Variants in CNKSR2 observed in about 807,000 individuals in gnomAD.
CNKSR2 encodes the protein CNK homolog protein 2.
Under a neutral mutation model 84.4 loss-of-function variants are expected in CNKSR2, and 14 were observed. The observed-to-expected ratio is 0.17, with a 90% confidence interval of 0.11 to 0.26. The LOEUF is 0.26. CNKSR2 is among the 10% of genes least tolerant of loss of function. The probability of loss-of-function intolerance (pLI) is 1.00; values close to 1 mark genes in which losing one functional copy is unlikely to be tolerated. For missense variants in CNKSR2, 485 were observed against 771.2 expected (o/e 0.63, Z 4.40); for synonymous variants, 275 against 277.9 (o/e 0.99, Z 0.10).
intron 9 of CNKSR2, 100 bp downstream of exon 9, chrX:21,516,731 A>T: frequency 1.3e-6 from 1 of 754,995 alleles, no homozygotes; most frequent in Non-Finnish European, 1.9e-6. Context: ...ATATGGATTA[A>T]TCTTGTATGC....
intron 2 of CNKSR2, chrX:21,426,868 A>C (rs1251533539): frequency 2.4e-6 from 1 of 421,215 alleles, no homozygotes; most frequent in Non-Finnish European, 4.0e-6. Context: ...CATCTTTTAT[A>C]ACAGTAAGAC....
chrX:21,478,375 T>A (rs1343233950), intron 5 of CNKSR2, among the ~76,000 whole-genome samples: 1 of 111,589 alleles, frequency 9.0e-6, no homozygotes. Flanking sequence ...ATGATAGAGG[T>A]GGAAAATGTT....
At position 21,449,303 on chromosome X, in the gene CNKSR2, CAAAAAAAAAAA is replaced by C. The variant is rs11308049; in HGVS notation, c.519+8531_519+8541del. Among the ~76,000 whole-genome samples the C allele has an allele frequency of 9.0e-5, 4 of 44,363 alleles. No individual in the cohort carries two copies. In the East Asian group the frequency reaches 2.7e-3, roughly 30 times the overall value. The allele number at this position is 44,363 out of a possible 115,157, so 38.5% of individuals were successfully genotyped here. A position where few individuals can be genotyped will look rare whatever the true frequency, so the allele number is the denominator to read the frequency against. The stretch of plus-strand genomic sequence containing the variant: ...TGGGCAGCAGAGTGAGACTCCGTCT[CAAAAAAAAAAA>C]AAAAAAAAGCCAGATTGGAAAAGAC... On this transcript the variant is annotated intron_variant, in intron 4 of 21. Transcript: ENST00000379510.
intron 10 of CNKSR2, among the ~76,000 whole-genome samples, chrX:21,530,973 C>G (rs764753712): frequency 9.1e-6 from 1 of 110,115 alleles, no homozygotes; most frequent in African/African-American, 3.3e-5. Context: ...ACCCTAAATG[C>G]CATTCTTAAA....
chrX:21,391,264 G>A (rs1404854793), intron 1 of CNKSR2, among the ~76,000 whole-genome samples: 1 of 112,687 alleles, frequency 8.9e-6, no homozygotes, highest in Non-Finnish European at 1.9e-5. Context: ...GGGACTCTGT[G>A]TGTGGGCCCC....
intron 1 of CNKSR2, among the ~76,000 whole-genome samples, chrX:21,401,459 A>G (rs1428628929): frequency 8.9e-6 from 1 of 111,928 alleles, no homozygotes; most frequent in East Asian, 2.8e-4. Context: ...TCAAAACCGA[A>G]CAAATATCAC....
At chrX:21,465,197 T>C (rs1222870069) in intron 4 of CNKSR2, among the ~76,000 whole-genome samples, 2 of 112,223 alleles carry the variant, frequency 1.8e-5, no homozygotes, top group African/African-American at 3.2e-5. Flanking sequence ...ATTTATCTTA[T>C]CTACCTTCTA....
chrX:21,539,376 T>G (rs1165022016), intron 11 of CNKSR2, among the ~76,000 whole-genome samples: 3 of 111,952 alleles, frequency 2.7e-5, no homozygotes, highest in Non-Finnish European at 5.6e-5. Context: ...ATATCTATTT[T>G]TGTTGAATTT....
intron 17 of CNKSR2, among the ~76,000 whole-genome samples, chrX:21,599,339 GGT>G (rs34829122): frequency 0.29 from 23,924 of 82,443 alleles, 3,106 homozygotes; most frequent in Admixed American, 0.49. Context: ...TTTTTGTTTT[GGT>G]GTGTGTGTGT....
At position 21,527,227 on chromosome X, in the gene CNKSR2, ATC is replaced by A. The variant is rs765373375; in HGVS notation, c.1091+230_1091+231del. Among the ~76,000 whole-genome samples the A allele has an allele frequency of 5.1e-3, 559 of 110,630 alleles. 2 individuals are homozygous for A. Among genetic ancestry groups the A allele is most frequent in the African/African-American group, 0.018 (542 of 30,590 alleles). ...TGCTGTGCATTAAATAATTTATACT[ATC>A]TCATAATAGGAAAGAAGAAGAAAGT... On this transcript the variant is annotated intron_variant, in intron 10 of 21. Coordinates refer to ENST00000379510, the MANE Select transcript of CNKSR2 (RefSeq NM_014927.5).
At chrX:21,525,595 G>A (rs759531352) in intron 9 of CNKSR2, among the ~76,000 whole-genome samples, 1 of 110,704 alleles carries the variant, frequency 9.0e-6, no homozygotes, top group African/African-American at 3.3e-5. Flanking sequence ...GGTCAAAACC[G>A]TGAACTGAGT....
chrX:21,592,224 C>T (rs1231332743), intron 15 of CNKSR2: 3 of 111,478 alleles, frequency 2.7e-5, no homozygotes, highest in Non-Finnish European at 5.6e-5. Flanking sequence ...AATAATAATG[C>T]TTATCACTGG....
At chrX:21,599,155 C>T (rs916265198) in intron 17 of CNKSR2, among the ~76,000 whole-genome samples, 2 of 112,238 alleles carry the variant, frequency 1.8e-5, no homozygotes, top group African/African-American at 6.5e-5. Context: ...GCAGAAATTA[C>T]GTCTTATTTA....
chrX:21,586,566 A>G (rs1221417356), intron 13 of CNKSR2, among the ~76,000 whole-genome samples: 1 of 112,000 alleles, frequency 8.9e-6, no homozygotes, highest in Admixed American at 9.5e-5. Flanking sequence ...CAAAGCGTCT[A>G]GAGAAAATTA....
intron 2 of CNKSR2, 145 bp downstream of exon 2, chrX:21,426,805 T>C: frequency 1.6e-6 from 1 of 608,627 alleles, no homozygotes. Flanking sequence ...TGATATTTTC[T>C]TCCTTCCTTA....
At chrX:21,528,931 A>G (rs2091860065) in intron 10 of CNKSR2, among the ~76,000 whole-genome samples, 1 of 111,043 alleles carries the variant, frequency 9.0e-6, no homozygotes. Flanking sequence ...TGACAGTCAA[A>G]ACTTTTTGCA....
At chrX:21,565,742 G>T (rs1041782980) in intron 13 of CNKSR2, among the ~76,000 whole-genome samples, 1 of 111,204 alleles carries the variant, frequency 9.0e-6, no homozygotes, top group Non-Finnish European at 1.9e-5. Flanking sequence ...GTGCGTATTG[G>T]ATATCTATAA....
At position 21,471,934 on chromosome X, in the gene CNKSR2, A is replaced by G. The variant is rs142191725; in HGVS notation, c.561+1127A>G. On this transcript the variant is annotated intron_variant, in intron 5 of 21. Transcript: ENST00000379510. ...GCCTATATATTTCAAGTATTAGCTT[A>G]ATTTCTTATAAGCATATTCTCTCAT... is the stretch of plus-strand genomic sequence containing the variant. 6.3e-3 allele frequency among the ~76,000 whole-genome samples: 706 copies of G among 112,159 alleles called. 9 individuals are homozygous for G. The highest frequency in any genetic ancestry group is 0.022 in the African/African-American group (666 of 30,899).
At chrX:21,382,039 A>G (rs1480866407) in intron 1 of CNKSR2, among the ~76,000 whole-genome samples, 1 of 111,895 alleles carries the variant, frequency 8.9e-6, no homozygotes, top group Non-Finnish European at 1.9e-5. Flanking sequence ...AGTATCTGGT[A>G]TGAAATAGGC....
Sources: gnomAD v4.1 joint callset for allele counts (sites outside exome capture counted in the v4.1 genomes callset) on GRCh38, gnomAD v4.1.1 for gene constraint, MANE v1.5 for transcripts, NCBI Gene and HGNC (gene_info 2026-07-23, HGNC 2026-07-21) for gene names.